The following C5AR2 variants were observed in gnomAD, a reference collection of about 807,000 sequenced individuals.
C5AR2 encodes C5a anaphylatoxin chemotactic receptor 2.
For missense variants in C5AR2, 458 were observed against 467.5 expected, an observed-to-expected ratio of 0.98 and a Z score of 0.19; for synonymous variants, 224 against 216.5, an observed-to-expected ratio of 1.03 and a Z score of -0.30.
rs773563897 is a variant in C5AR2, at chr19:47,341,351, G to T, written c.552G>T (p.Leu184=). Reference sequence around the variant, plus strand: ...ACCAGGAGCACTTCCCAGCCCGGCTGCAGTGTGTGGTGGACTACGGCGGCT... The same window carrying T: ...ACCAGGAGCACTTCCCAGCCCGGCTTCAGTGTGTGGTGGACTACGGCGGCT... The part of the protein sequence containing the change: ...RLHQEHFPAR[L]QCVVDYGGSS... The change falls in exon 2 of 2, where the codon CTG becomes CTT. Residue 184 remains leucine, a synonymous_variant. Transcript: ENST00000595464. This position sits in a 1 kb window ranked among gnomAD's most constrained non-coding sequence, Gnocchi z 4.6. 3 of 1,612,194 alleles carry T rather than the reference G, an allele frequency of 1.9e-6. No homozygotes were observed. The highest frequency in any genetic ancestry group is 1.7e-6 in the Non-Finnish European group (2 of 1,179,918).
intron 1 of C5AR2, among the ~76,000 whole-genome samples, chr19:47,333,776 TC>T (rs2122159306): frequency 6.6e-6 from 1 of 152,138 alleles, no homozygotes; most frequent in Admixed American, 6.5e-5. Flanking sequence ...AGATGGGGTT[TC>T]ACCATGTTAG....
rs568432791 is a variant in C5AR2 at position 47,340,706 on chromosome 19, C to T, written c.-15-79C>T. 52 of 1,339,080 alleles carry T rather than the reference C, an allele frequency of 3.9e-5. No homozygotes were observed. The East Asian group carries it at 3.9e-4, about 10-fold the overall frequency. 82.9% of individuals were successfully genotyped at this position (1,339,080 alleles called of 1,614,324 possible). ...TCCAGTTTGCAAGGTGCTGGTGGGC[C>T]GGGCTGATGGACACCCTAGATCTCC... On this transcript the variant is annotated intron_variant, in intron 1 of 1. Transcript: ENST00000595464.
chr19:47,341,484 C>G lies in C5AR2; in HGVS notation c.685C>G (p.Arg229Gly). ...CHSALLCWAA[R>G]RCRPLGTAIV... ...CAGTGCCCTCCTGTGCTGGGCAGCCCGACGCTGCCGGCCGCTGGGCACAGC... is the reference window on the plus strand; with the variant it reads ...CAGTGCCCTCCTGTGCTGGGCAGCCGGACGCTGCCGGCCGCTGGGCACAGC... The change falls in exon 2 of 2, where the codon CGA becomes GGA. Residue 229 changes from arginine (R) to glycine (G), a missense_variant. By Grantham distance (125) the Arg-to-Gly change is moderately radical. Coordinates refer to ENST00000595464, the MANE Select transcript of C5AR2 (RefSeq NM_001271749.2). This position sits in a 1 kb window ranked among gnomAD's most constrained non-coding sequence, Gnocchi z 4.6. 1.2e-6 allele frequency: 2 copies of G among 1,611,572 alleles called. No individual in the cohort carries two copies. Among genetic ancestry groups the G allele is most frequent in the Non-Finnish European group, 1.7e-6 (2 of 1,179,682 alleles).
rs1969098652 is a variant in C5AR2 at position 47,344,987 on chromosome 19, G to A, written c.*3174G>A. On this transcript the variant is annotated 3_prime_UTR_variant, in exon 2 of 2. Coordinates refer to ENST00000595464, the MANE Select transcript of C5AR2 (RefSeq NM_001271749.2). ...AGGGTTTCACCATGTTGGCCAGGCT[G>A]GTCTCGAACTCCTGACCTCAGGTGA... The A allele has an allele frequency of 6.6e-6, 1 of 152,132 alleles. No homozygotes were observed. The allele number at this position is 152,132 out of a possible 1,614,324, so 9.4% of individuals were successfully genotyped here. A position where few individuals can be genotyped will look rare whatever the true frequency, so the allele number is the denominator to read the frequency against.
Position 47,340,843 on chromosome 19 carries a change from A to G in C5AR2, c.44A>G (p.Asp15Gly). ...SVSYEYGDYS[D>G]LSDRPVDCLD... The stretch of plus-strand genomic sequence containing the variant: ...AGCTACGAGTATGGGGATTACAGCG[A>G]CCTCTCGGACCGCCCTGTGGACTGC... Residue 15 changes from aspartate to glycine, a missense_variant, in exon 2 of 2, where the codon GAC becomes GGC. Physicochemically the swap from Asp to Gly is moderately conservative, Grantham distance 94. Coordinates refer to ENST00000595464, the MANE Select transcript of C5AR2 (RefSeq NM_001271749.2). 6.2e-7 allele frequency: 1 copy of G among 1,613,364 alleles called. No homozygotes were observed. Among genetic ancestry groups the G allele is most frequent in the Non-Finnish European group, 8.5e-7 (1 of 1,179,934 alleles).
Position 47,340,831 on chromosome 19 carries a change from G to A in C5AR2, c.32G>A (p.Gly11Glu), listed in dbSNP as rs1339674526. MGNDSVSYEYGDYSDLSDRPV... is the reference protein window; with the variant it reads MGNDSVSYEYEDYSDLSDRPV... ...AACGATTCTGTCAGCTACGAGTATGGGGATTACAGCGACCTCTCGGACCGC... is the reference window on the plus strand; with the variant it reads ...AACGATTCTGTCAGCTACGAGTATGAGGATTACAGCGACCTCTCGGACCGC... Residue 11 changes from glycine (G) to glutamate (E), a missense_variant, in exon 2 of 2, where the codon GGG becomes GAG. Coordinates refer to ENST00000595464, the MANE Select transcript of C5AR2 (RefSeq NM_001271749.2). 1.2e-6 allele frequency: 2 copies of A among 1,613,594 alleles called. No homozygotes were observed. The highest frequency in any genetic ancestry group is 3.3e-5 in the Admixed American group (2 of 60,026).
In C5AR2 at chr19:47,343,010, G is replaced by A. The variant is rs1969068320; in HGVS notation, c.*1197G>A. 6.6e-6 allele frequency: 1 copy of A among 152,190 alleles called. No homozygotes were observed. The highest frequency in any genetic ancestry group is 1.5e-5 in the Non-Finnish European group (1 of 68,060). The allele number at this position is 152,190 out of a possible 1,614,324, so 9.4% of individuals were successfully genotyped here. On this transcript the variant is annotated 3_prime_UTR_variant, in exon 2 of 2. Transcript: ENST00000595464. ...TAATCCCCTGAACCTGTGAAGAGGT[G>A]ACCTTCCATGGCAAAAGGGACTTTG...
chr19:47,346,472 T>G lies in C5AR2; in HGVS notation c.*4659T>G, dbSNP rs2972606. 43,310 of 151,878 alleles carry G rather than the reference T, an allele frequency of 0.29. 6,692 individuals are homozygous for G. The highest frequency in any genetic ancestry group is 0.43 in the Middle Eastern group (126 of 296). The allele number at this position is 151,878 out of a possible 1,614,324, so 9.4% of individuals were successfully genotyped here. ...TAATCCCAGTACTTTGGGAGGCCAA[T>G]GCAGGTGGATCACCTGAGGTCAGGA... is the stretch of plus-strand genomic sequence containing the variant. On this transcript the variant is annotated 3_prime_UTR_variant, in exon 2 of 2. Coordinates refer to ENST00000595464, the MANE Select transcript of C5AR2 (RefSeq NM_001271749.2).
At chr19:47,340,571 G>A (rs1199174997) in intron 1 of C5AR2, among the ~76,000 whole-genome samples, 1 of 152,064 alleles carries the variant, frequency 6.6e-6, no homozygotes, top group East Asian at 1.9e-4. Context: ...CTGACCTCAA[G>A]TGATCCACCT....
At chr19:47,340,630 C>T (rs111523267) in intron 1 of C5AR2, among the ~76,000 whole-genome samples, 155 bp from the exon 2 acceptor site, 32 of 152,272 alleles carry the variant, frequency 2.1e-4, no homozygotes, top group South Asian at 1.5e-3. Context: ...CCACCACACC[C>T]GGCCTAGAAT....
At chr19:47,335,875 C>T (rs2059355824) in intron 1 of C5AR2, among the ~76,000 whole-genome samples, 1 of 134,568 alleles carries the variant, frequency 7.4e-6, no homozygotes, top group Non-Finnish European at 1.5e-5. Flanking sequence ...TGAGAGGATG[C>T]GTGTGGACAG....
chr19:47,345,147 G>A lies in C5AR2; in HGVS notation c.*3334G>A, dbSNP rs1039887709. 6.5e-6 allele frequency: 1 copy of A among 152,828 alleles called. No individual in the cohort carries two copies. The highest frequency in any genetic ancestry group is 2.4e-5 in the African/African-American group (1 of 41,448). 9.5% of individuals were successfully genotyped at this position (152,828 alleles called of 1,614,324 possible). On this transcript the variant is annotated 3_prime_UTR_variant, in exon 2 of 2. Coordinates refer to ENST00000595464, the MANE Select transcript of C5AR2 (RefSeq NM_001271749.2). ...CTCAGCCTTATTTCACCCAGCTCCTGTTCAAGATGGAGTCACTCTGGTTCA... is the reference window on the plus strand; with the variant it reads ...CTCAGCCTTATTTCACCCAGCTCCTATTCAAGATGGAGTCACTCTGGTTCA...
At chr19:47,340,346 AT>A (rs1234196666) in intron 1 of C5AR2, among the ~76,000 whole-genome samples, 4,762 of 133,754 alleles carry the variant, frequency 0.036, 83 homozygotes, top group Middle Eastern at 0.093. Context: ...TAGAATTCCA[AT>A]TTTTTTTTTT....
At chr19:47,334,888 AAT>A (rs199563481) in intron 1 of C5AR2, among the ~76,000 whole-genome samples, 339 of 3,830 alleles carry the variant, frequency 0.089, 1 homozygote, top group Non-Finnish European at 0.12. Context: ...AGCCAAATCC[AAT>A]TTTTTTTTTT....
intron 1 of C5AR2, among the ~76,000 whole-genome samples, chr19:47,333,584 CTTTTTT>C (rs34383862): frequency 8.0e-6 from 1 of 124,448 alleles, no homozygotes; most frequent in East Asian, 2.3e-4. Flanking sequence ...GTTCAGACTC[CTTTTTT>C]TTTTTTTTTT....
In C5AR2 at chr19:47,342,184, G is replaced by A. The variant is rs535814220; in HGVS notation, c.*371G>A. The A allele has an allele frequency of 5.8e-6, 1 of 171,630 alleles. No homozygotes were observed. Among genetic ancestry groups the A allele is most frequent in the East Asian group, 1.5e-4 (1 of 6,590 alleles). 10.6% of individuals were successfully genotyped at this position (171,630 alleles called of 1,614,324 possible). On this transcript the variant is annotated 3_prime_UTR_variant, in exon 2 of 2. Transcript: ENST00000595464. The stretch of plus-strand genomic sequence containing the variant: ...AGCCTAGCCAATATGGTGAAACCCT[G>A]TCTCTACTAAAAATACAAAAATTAG...
At chr19:47,333,578 A>C (rs929429445) in intron 1 of C5AR2, among the ~76,000 whole-genome samples, 1 of 148,150 alleles carries the variant, frequency 6.7e-6, no homozygotes, top group Non-Finnish European at 1.5e-5. Flanking sequence ...AAGAATGTTC[A>C]GACTCCTTTT....
chr19:47,337,527 T>A (rs965671966), intron 1 of C5AR2, among the ~76,000 whole-genome samples: 4 of 151,958 alleles, frequency 2.6e-5, no homozygotes, highest in Admixed American at 2.6e-4. Context: ...TTGGGCATGG[T>A]GGCGGGTGCC....
At position 47,342,315 on chromosome 19, in the gene C5AR2, C is replaced by A. The variant is rs890846942; in HGVS notation, c.*502C>A. On this transcript the variant is annotated 3_prime_UTR_variant, in exon 2 of 2. Transcript: ENST00000595464. The stretch of plus-strand genomic sequence containing the variant: ...AGGTGACAGTGAGCCAAGATTGAGC[C>A]CCTGCACTCCAGCCTGGGCGACAGA... 1 of 151,490 alleles carries A rather than the reference C, an allele frequency of 6.6e-6. No homozygotes were observed. The highest frequency in any genetic ancestry group is 1.5e-5 in the Non-Finnish European group (1 of 67,894). 9.4% of individuals were successfully genotyped at this position (151,490 alleles called of 1,614,324 possible). A position where few individuals can be genotyped will look rare whatever the true frequency, so the allele number is the denominator to read the frequency against.
Sources: allele counts gnomAD v4.1 joint callset (sites outside exome capture counted in the v4.1 genomes callset), GRCh38; gene constraint gnomAD v4.1.1; non-coding constraint Gnocchi (gnomAD v3.1); transcripts MANE v1.5; gene names NCBI Gene and HGNC (gene_info 2026-07-23, HGNC 2026-07-21).